CRB1: variants seen among roughly 807,000 people sequenced by gnomAD.
The protein encoded by CRB1 is protein crumbs homolog 1.
A neutral mutation model predicts 120.0 loss-of-function variants in CRB1; 83 were observed. The ratio of observed to expected loss-of-function variants is 0.69; its 90% confidence interval spans 0.58 to 0.83. The LOEUF (loss-of-function observed/expected upper bound fraction) is 0.83. CRB1 is among the 40% of genes least tolerant of loss of function. CRB1 has a pLI of 0.00. For missense variants in CRB1, 1,699 were observed against 1,687.6 expected, an observed-to-expected ratio of 1.01 and a Z score of -0.12; for synonymous variants, 625 against 612.5, an observed-to-expected ratio of 1.02 and a Z score of -0.30.
chr1:197,375,231 A>G (rs1661583123), intron 5 of CRB1, among the ~76,000 whole-genome samples: 1 of 152,184 alleles, frequency 6.6e-6, no homozygotes. Flanking sequence ...TGGGTCAAAG[A>G]CAAATGACTA....
At chr1:197,461,095 G>C (rs1285725839) in intron 11 of CRB1, among the ~76,000 whole-genome samples, 4 of 152,136 alleles carry the variant, frequency 2.6e-5, no homozygotes, top group African/African-American at 4.8e-5. Flanking sequence ...GTTAAAGGTT[G>C]TGTGTGTTTG....
intron 11 of CRB1, among the ~76,000 whole-genome samples, chr1:197,455,454 G>A (rs915386366): frequency 3.9e-5 from 6 of 152,044 alleles, no homozygotes; most frequent in Non-Finnish European, 5.9e-5. Context: ...ATACCATGCC[G>A]TTGTCTTGTT....
chr1:197,457,207 C>A (rs768484390), intron 11 of CRB1, among the ~76,000 whole-genome samples: 3 of 152,040 alleles, frequency 2.0e-5, no homozygotes, highest in African/African-American at 7.2e-5. Context: ...ACGCCTCTAT[C>A]ATAGCATCGT....
At chr1:197,434,605 A>C (rs1377848890) in intron 8 of CRB1, 101 bp from the exon 9 acceptor site, 1 of 1,059,774 alleles carries the variant, frequency 9.4e-7, no homozygotes, top group Non-Finnish European at 1.4e-6. Context: ...AATAGTCAAT[A>C]TGCAATGTTA....
intron 2 of CRB1, among the ~76,000 whole-genome samples, chr1:197,343,114 G>A (rs1659567601): frequency 6.6e-6 from 1 of 152,058 alleles, no homozygotes; most frequent in South Asian, 2.1e-4. Flanking sequence ...GTTATTTGTT[G>A]AATCTAGTAA....
At chr1:197,368,256 A>G (rs1661186139) in intron 5 of CRB1, among the ~76,000 whole-genome samples, 1 of 151,912 alleles carries the variant, frequency 6.6e-6, no homozygotes, top group Admixed American at 6.6e-5. Flanking sequence ...AAATCCTAGG[A>G]CTCTCAAACA....
intron 1 of CRB1, among the ~76,000 whole-genome samples, chr1:197,297,863 C>T (rs1306152764): frequency 6.6e-6 from 1 of 152,002 alleles, no homozygotes; most frequent in African/African-American, 2.4e-5. Context: ...TAAGATAATT[C>T]AAATATCAAG....
At chr1:197,368,940 G>T (rs1257386616) in intron 5 of CRB1, among the ~76,000 whole-genome samples, 1 of 152,326 alleles carries the variant, frequency 6.6e-6, no homozygotes, top group South Asian at 2.1e-4. Context: ...TGAGAGAGAT[G>T]TGGGCCTCAC....
chr1:197,393,812 C>T (rs1662633761), intron 5 of CRB1, among the ~76,000 whole-genome samples: 1 of 151,868 alleles, frequency 6.6e-6, no homozygotes, highest in African/African-American at 2.4e-5. Flanking sequence ...TTTTTCAAAA[C>T]TGCTTAAATC....
chr1:197,242,805 C>T, the CRB1 span, among the ~76,000 whole-genome samples: 35 of 151,966 alleles, frequency 2.3e-4, no homozygotes, highest in African/African-American at 7.2e-4. Flanking sequence ...TCTGTTCCTG[C>T]GCTTTTTTTG....
intron 9 of CRB1, among the ~76,000 whole-genome samples, chr1:197,437,592 G>T (rs1373259677): frequency 6.6e-6 from 1 of 151,456 alleles, no homozygotes; most frequent in Non-Finnish European, 1.5e-5. Flanking sequence ...ATTGCTAATT[G>T]ACCTCTTTCA....
At chr1:197,294,033 C>T (rs1656362582) in intron 1 of CRB1, among the ~76,000 whole-genome samples, 2 of 152,138 alleles carry the variant, frequency 1.3e-5, no homozygotes, top group Admixed American at 1.3e-4. Flanking sequence ...ACACCAAAAG[C>T]AATGGCAACA....
chr1:197,280,831 T>G (rs1655478378), intron 1 of CRB1, among the ~76,000 whole-genome samples: 1 of 152,034 alleles, frequency 6.6e-6, no homozygotes, highest in African/African-American at 2.4e-5. Context: ...AAACATTTAT[T>G]TAACTCAATA....
chr1:197,253,582 A>G, the CRB1 span, among the ~76,000 whole-genome samples: 4 of 152,136 alleles, frequency 2.6e-5, no homozygotes, highest in Non-Finnish European at 5.9e-5. Context: ...TACAACAAAG[A>G]AATTACACAT....
the CRB1 span, among the ~76,000 whole-genome samples, chr1:197,255,996 T>TATATATATAC: frequency 0.019 from 2,169 of 116,254 alleles, 51 homozygotes; most frequent in East Asian, 0.13. Context: ...TATATATATA[T>TATATATATAC]ACACTACAAT....
chr1:197,422,077 T>C, intron 6 of CRB1, 121 bp downstream of exon 6: 1 of 892,110 alleles, frequency 1.1e-6, no homozygotes, highest in South Asian at 1.5e-5. Flanking sequence ...AGACTTCTGC[T>C]GCTGGTTGCC....
intron 11 of CRB1, among the ~76,000 whole-genome samples, chr1:197,456,481 T>G (rs561555477): frequency 6.6e-6 from 1 of 152,222 alleles, no homozygotes; most frequent in African/African-American, 2.4e-5. Context: ...AGTACAAAAT[T>G]GTCCCATTTC....
intron 1 of CRB1, among the ~76,000 whole-genome samples, chr1:197,272,536 G>T (rs1277584912): frequency 6.6e-6 from 1 of 151,506 alleles, no homozygotes; most frequent in Non-Finnish European, 1.5e-5. Context: ...GACAAGAAAA[G>T]TTAGAGTGAG....
intron 8 of CRB1, among the ~76,000 whole-genome samples, chr1:197,431,609 C>CA (rs1175397920): frequency 6.6e-6 from 1 of 151,320 alleles, no homozygotes; most frequent in East Asian, 2.0e-4. Flanking sequence ...GTGGCAGCCC[C>CA]AAAACAGTAT....
Sources: allele counts gnomAD v4.1 joint callset (sites outside exome capture counted in the v4.1 genomes callset), GRCh38; gene constraint gnomAD v4.1.1; transcripts MANE v1.5; gene names NCBI Gene and HGNC (gene_info 2026-07-23, HGNC 2026-07-21).